The following VPS13B variants were observed in gnomAD, a reference collection of about 807,000 sequenced individuals.
The protein encoded by VPS13B is intermembrane lipid transfer protein VPS13B.
VPS13B carries 285 observed loss-of-function variants against 426.4 expected under a neutral mutation model. The observed-to-expected ratio is 0.67, with a 90% CI of 0.61 to 0.74. The LOEUF (loss-of-function observed/expected upper bound fraction) is 0.74. Among genes scored for constraint, VPS13B ranks in the 30% least tolerant of loss-of-function variants. The pLI, the probability that VPS13B is intolerant of heterozygous loss-of-function variation, is 0.00. For missense variants in VPS13B, 4,537 were observed against 4,782.6 expected (o/e 0.95, Z 1.51); for synonymous variants, 1,676 against 1,676.4 (o/e 1.00, Z 0.01).
chr8:99,494,195 A>G lies in VPS13B; in HGVS notation c.3871-7492A>G, dbSNP rs183149391. ...ACTGTTTTTACCATTTTATGTATAC[A>G]GTTCTGTGGTATTAAGTACATTCAC... is the stretch of plus-strand genomic sequence containing the variant. On this transcript the variant is annotated intron_variant, in intron 25 of 61. Transcript: ENST00000357162. Among the ~76,000 whole-genome samples, 486 of 152,230 alleles carry G rather than the reference A, an allele frequency of 3.2e-3. 2 individuals carry two copies. Among genetic ancestry groups the G allele is most frequent in the African/African-American group, 0.01 (429 of 41,564 alleles).
chr8:99,510,101 T>C (rs1043656722), intron 28 of VPS13B, among the ~76,000 whole-genome samples: 2 of 152,246 alleles, frequency 1.3e-5, no homozygotes, highest in African/African-American at 2.4e-5. Flanking sequence ...AATTAGATTT[T>C]ATAAAAAATG....
At chr8:99,439,121 T>C (rs1213814893) in intron 22 of VPS13B, among the ~76,000 whole-genome samples, 1 of 152,160 alleles carries the variant, frequency 6.6e-6, no homozygotes, top group Non-Finnish European at 1.5e-5. Flanking sequence ...ATCAGTTTTA[T>C]TAATCACCTT....
At chr8:99,421,714 A>G (rs1473089312) in intron 21 of VPS13B, among the ~76,000 whole-genome samples, 7 of 152,018 alleles carry the variant, frequency 4.6e-5, no homozygotes. Flanking sequence ...TTGAGACTCC[A>G]TCACCCAGGC....
chr8:99,832,819 C>T (rs1242683676), intron 52 of VPS13B, among the ~76,000 whole-genome samples, 167 bp downstream of exon 52: 1 of 152,142 alleles, frequency 6.6e-6, no homozygotes, highest in African/African-American at 2.4e-5. Context: ...GTTATAATCA[C>T]ATATGGCTTG....
intron 55 of VPS13B, among the ~76,000 whole-genome samples, chr8:99,853,144 C>A (rs1816378008): frequency 6.6e-6 from 1 of 152,044 alleles, no homozygotes; most frequent in Non-Finnish European, 1.5e-5. Context: ...TTGTGATCAT[C>A]ATGATAGAGA....
At chr8:99,306,760 T>G (rs1034623645) in intron 19 of VPS13B, among the ~76,000 whole-genome samples, 2 of 152,064 alleles carry the variant, frequency 1.3e-5, no homozygotes, top group African/African-American at 4.8e-5. Flanking sequence ...TCTTAAACTG[T>G]GTTTTCCCAT....
intron 35 of VPS13B, among the ~76,000 whole-genome samples, chr8:99,671,071 A>T (rs1014015663): frequency 1.3e-5 from 2 of 152,190 alleles, no homozygotes; most frequent in African/African-American, 4.8e-5. Flanking sequence ...ATTGTTTTCC[A>T]TAATGGCTGT....
intron 3 of VPS13B, among the ~76,000 whole-genome samples, chr8:99,052,665 C>G (rs1587968261): frequency 6.6e-6 from 1 of 150,800 alleles, no homozygotes; most frequent in African/African-American, 2.4e-5. Context: ...TGGTCCTGGA[C>G]TTTTTTTGGT....
chr8:99,809,331 G>T (rs746980237), intron 43 of VPS13B, 44 bp from the exon 44 acceptor site: 3 of 1,613,060 alleles, frequency 1.9e-6, no homozygotes, highest in Non-Finnish European at 2.5e-6. Flanking sequence ...CTAGGTTTTT[G>T]TTGGCACGTT....
chr8:99,160,650 C>CAAAA (rs780385149), intron 15 of VPS13B, among the ~76,000 whole-genome samples: 8 of 68,462 alleles, frequency 1.2e-4, no homozygotes, highest in African/African-American at 1.6e-4. Flanking sequence ...GACCCTGTCT[C>CAAAA]AAAAAAAAAA....
At chr8:99,527,822 A>C (rs765579539) in intron 30 of VPS13B, 1 of 152,170 alleles carries the variant, frequency 6.6e-6, no homozygotes, top group African/African-American at 2.4e-5. Context: ...TAATTTAATA[A>C]ATTGTCTGAT....
chr8:99,306,275 T>A (rs1820633875), intron 19 of VPS13B, among the ~76,000 whole-genome samples: 1 of 151,922 alleles, frequency 6.6e-6, no homozygotes, highest in Non-Finnish European at 1.5e-5. Flanking sequence ...TCTGAGTCAA[T>A]AGGTCAGGAA....
Position 99,497,198 on chromosome 8 carries a change from T to TTATATA in VPS13B, c.3871-4487_3871-4482dup, listed in dbSNP as rs1034782421. ...ATATTTAATATATAAATACATGTAT[T>TTATATA]TATATATTTAATATATATAAATACA... On this transcript the variant is annotated intron_variant, in intron 25 of 61. Transcript: ENST00000357162. Among the ~76,000 whole-genome samples, 5 of 140,460 alleles carry TTATATA rather than the reference T, an allele frequency of 3.6e-5. No individual in the cohort carries two copies. The Admixed American group carries it at 3.7e-4, about 10-fold the overall frequency. The allele number at this position is 140,460 out of a possible 152,430, so 92.1% of individuals were successfully genotyped here. A position where few individuals can be genotyped will look rare whatever the true frequency, so the allele number is the denominator to read the frequency against.
intron 3 of VPS13B, among the ~76,000 whole-genome samples, chr8:99,050,020 T>C (rs1311367148): frequency 6.6e-6 from 1 of 151,772 alleles, no homozygotes; most frequent in Non-Finnish European, 1.5e-5. Flanking sequence ...ACTTTTGTAT[T>C]TTTATTTTTT....
At chr8:99,574,091 GCTCT>G (rs1304222936) in intron 31 of VPS13B, among the ~76,000 whole-genome samples, 1 of 151,976 alleles carries the variant, frequency 6.6e-6, no homozygotes, top group Admixed American at 6.6e-5. Flanking sequence ...TCATGATTTG[GCTCT>G]CTGTTTGTCT....
At position 99,156,616 on chromosome 8, in the gene VPS13B, T is replaced by C. The variant is rs1433533425; in HGVS notation, c.2081T>C (p.Leu694Ser). The change falls in exon 15 of 62, where the codon TTG (leucine) becomes TCG (serine). Residue 694 changes from leucine to serine, a missense_variant. Coordinates refer to ENST00000357162, the MANE Select transcript of VPS13B (RefSeq NM_152564.5). ...SLRPLPSIRI[L>S]VDKINLEHSV... ...CGGCCTTTGCCATCCATTCGAATATTGGTGGATAAAATTAATCTGGAACAT... is the reference window on the plus strand; with the variant it reads ...CGGCCTTTGCCATCCATTCGAATATCGGTGGATAAAATTAATCTGGAACAT... 1.2e-6 allele frequency: 2 copies of C among 1,614,090 alleles called. No individual in the cohort carries two copies. The highest frequency in any genetic ancestry group is 1.1e-5 in the South Asian group (1 of 91,084).
rs986476395 is a variant in VPS13B, at chr8:99,263,926, A to G, written c.2516-10272A>G. ...ATTCCTTTTTCCTAAATCTTTGAAT[A>G]TAATTATGTCACAGTTTTTGCTTAA... On this transcript the variant is annotated intron_variant, in intron 17 of 61. Transcript: ENST00000357162. Among the ~76,000 whole-genome samples, 4 of 152,320 alleles carry G rather than the reference A, an allele frequency of 2.6e-5. No homozygotes were observed. In the East Asian group the frequency reaches 7.7e-4, roughly 29 times the overall value.
chr8:99,717,498 G>C, intron 37 of VPS13B, 125 bp downstream of exon 37: 1 of 896,162 alleles, frequency 1.1e-6, no homozygotes, highest in Non-Finnish European at 1.8e-6. Flanking sequence ...ATTGCTACTT[G>C]TTAAATTTTC....
At chr8:99,293,105 C>A (rs2133050121) in intron 19 of VPS13B, among the ~76,000 whole-genome samples, 1 of 151,438 alleles carries the variant, frequency 6.6e-6, no homozygotes, top group Non-Finnish European at 1.5e-5. Flanking sequence ...GCCAAAAGAA[C>A]AAAGCTGGAG....
Sources: gnomAD v4.1 joint callset for allele counts (sites outside exome capture counted in the v4.1 genomes callset) on GRCh38, gnomAD v4.1.1 for gene constraint, MANE v1.5 for transcripts, NCBI Gene and HGNC (gene_info 2026-07-23, HGNC 2026-07-21) for gene names.